Variants in PSAP observed in about 807,000 individuals in gnomAD.
The protein encoded by PSAP is prosaposin.
In PSAP, 25 loss-of-function variants were observed where a neutral mutation model predicts 66.0. The ratio of observed to expected loss-of-function variants is 0.38; its 90% CI spans 0.28 to 0.53. The LOEUF (loss-of-function observed/expected upper bound fraction) is 0.53, where lower values mean the gene tolerates loss of function less well. Ranked by LOEUF, PSAP falls within the 20% of genes least tolerant of loss-of-function variation. The pLI, the probability that PSAP is intolerant of heterozygous loss-of-function variation, is 0.83. For synonymous variants in PSAP, 273 were observed against 258.9 expected (o/e 1.05, Z -0.52); for missense variants, 649 against 668.8 (o/e 0.97, Z 0.33).
At position 71,820,316 on chromosome 10, in the gene PSAP, T is replaced by G. The variant is rs1369975092; in HGVS notation, c.929A>C (p.Lys310Thr). ...ACACACCTCACAGTAAACATCAGACTTTGCTGGGACCTCGTGCTTCTGTGG... is the reference window on the plus strand; with the variant it reads ...ACACACCTCACAGTAAACATCAGACGTTGCTGGGACCTCGTGCTTCTGTGG... ...EPIKKHEVPA[K>T]SDVYCEVCEF... Residue 310 changes from lysine to threonine, a missense_variant, in exon 9 of 14, where the codon AAG (lysine) becomes ACG (threonine). Physicochemically the swap from Lys to Thr is moderately conservative, Grantham distance 78 (BLOSUM62 -1). Transcript: ENST00000394936. 6.2e-7 allele frequency: 1 copy of G among 1,614,022 alleles called. No homozygotes were observed. The highest frequency in any genetic ancestry group is 8.5e-7 in the Non-Finnish European group (1 of 1,179,942).
At chr10:71,848,226 G>T (rs968747770) in intron 1 of PSAP, among the ~76,000 whole-genome samples, 3 of 152,378 alleles carry the variant, frequency 2.0e-5, no homozygotes, top group Admixed American at 2.0e-4. Context: ...GCCTCTGGAT[G>T]CTACTGCACT....
At chr10:71,836,570 G>A (rs1291995514) in intron 1 of PSAP, among the ~76,000 whole-genome samples, 1 of 152,156 alleles carries the variant, frequency 6.6e-6, no homozygotes, top group Non-Finnish European at 1.5e-5. Context: ...TACCAAATGA[G>A]TCTCTAGGCA....
Position 71,819,866 on chromosome 10 carries a change from G to C in PSAP, c.1040C>G (p.Ser347Trp), listed in dbSNP as rs768846459. ...TTCCGACAGGGACTTCGGCAGCTTC[G>C]AGCACATTTTGTCAAAAGCGTCGAG... ...EILDAFDKMCSKLPKSLSEEC... is the reference protein window; with the variant it reads ...EILDAFDKMCWKLPKSLSEEC... Residue 347 changes from serine to tryptophan, a missense_variant, in exon 10 of 14, where the codon TCG becomes TGG. Ser to Trp is a radical substitution (Grantham distance 177, BLOSUM62 -3). Transcript: ENST00000394936. 5.6e-6 allele frequency: 9 copies of C among 1,614,110 alleles called. No homozygotes were observed. Among genetic ancestry groups the C allele is most frequent in the Non-Finnish European group, 7.6e-6 (9 of 1,180,026 alleles).
At chr10:71,832,332 A>G (rs1842536682) in intron 2 of PSAP, among the ~76,000 whole-genome samples, 1 of 152,122 alleles carries the variant, frequency 6.6e-6, no homozygotes, top group African/African-American at 2.4e-5. Flanking sequence ...TGAACCGTTC[A>G]CCTGCGCATC....
In PSAP at chr10:71,818,626, G is replaced by C; in HGVS notation, c.1530C>G (p.Ala510=). Residue 510 remains alanine (A), a synonymous_variant, in exon 13 of 14, where the codon GCC becomes GCG. Transcript: ENST00000394936. ...CTGCTGAGCTACTCACATTGCACTG[G>C]GCTGCTGTCTCTGTGTTCTGGCACC... The part of the protein sequence containing the change: ...SYWCQNTETA[A]QCNAVEHCKR... 2 of 1,613,532 alleles carry C rather than the reference G, an allele frequency of 1.2e-6. No individual in the cohort carries two copies. The highest frequency in any genetic ancestry group is 8.5e-7 in the Non-Finnish European group (1 of 1,179,926).
intron 6 of PSAP, among the ~76,000 whole-genome samples, chr10:71,827,533 C>T (rs1488752962): frequency 9.2e-5 from 14 of 151,974 alleles, no homozygotes; most frequent in Admixed American, 5.2e-4. Flanking sequence ...TTGAGACCAG[C>T]CTGACAAACA....
At chr10:71,846,386 T>C (rs1324134544) in intron 1 of PSAP, among the ~76,000 whole-genome samples, 1 of 142,324 alleles carries the variant, frequency 7.0e-6, no homozygotes, top group Non-Finnish European at 1.5e-5. Context: ...AAAATCTTCA[T>C]CCCAATCACT....
chr10:71,850,916 C>T lies in PSAP; in HGVS notation c.40+266G>A, dbSNP rs377568302. On this transcript the variant is annotated intron_variant, in intron 1 of 13. Transcript: ENST00000394936. ...CTGAGGGAAGGCCTCGGGGCCCCAG[C>T]CGCGCAGGAACCCACTCGAGCCCCG... Among the ~76,000 whole-genome samples, 81 of 152,354 alleles carry T rather than the reference C, an allele frequency of 5.3e-4. No homozygotes were observed. In the South Asian group the frequency reaches 9.1e-3, roughly 17 times the overall value.
At chr10:71,843,536 C>T (rs374719533) in intron 1 of PSAP, among the ~76,000 whole-genome samples, 21 of 152,296 alleles carry the variant, frequency 1.4e-4, no homozygotes, top group Middle Eastern at 3.4e-3. Context: ...TTAGTCATGA[C>T]GTTTCCACTC....
chr10:71,820,254 T>C lies in PSAP; in HGVS notation c.991A>G (p.Asn331Asp). 6.2e-7 allele frequency: 1 copy of C among 1,613,714 alleles called. No homozygotes were observed. Among genetic ancestry groups the C allele is most frequent in the Non-Finnish European group, 8.5e-7 (1 of 1,179,568 alleles). Reference sequence around the variant, plus strand: ...GGACAGCATACCTCAGTCTTGTTGTTGTCAATCAGCTTGGTCACCTCCTTC... The same window carrying C: ...GGACAGCATACCTCAGTCTTGTTGTCGTCAATCAGCTTGGTCACCTCCTTC... ...LVKEVTKLID[N>D]NKTEKEILDA... The change falls in exon 9 of 14, where the codon AAC becomes GAC. Residue 331 changes from asparagine to aspartate, a missense_variant. Physicochemically the swap from Asn to Asp is conservative, Grantham distance 23. Transcript: ENST00000394936.
At chr10:71,850,860 A>G (rs1465028845) in intron 1 of PSAP, among the ~76,000 whole-genome samples, 1 of 151,834 alleles carries the variant, frequency 6.6e-6, no homozygotes, top group Non-Finnish European at 1.5e-5. Context: ...ACCCTACAAG[A>G]CTCACCCACC....
intron 1 of PSAP, among the ~76,000 whole-genome samples, chr10:71,847,701 CAA>C (rs1283195945): frequency 1.3e-5 from 2 of 151,296 alleles, no homozygotes; most frequent in African/African-American, 4.9e-5. Flanking sequence ...AAGGACTTGA[CAA>C]ATCACTGATT....
intron 2 of PSAP, among the ~76,000 whole-genome samples, chr10:71,834,118 G>C (rs994721001): frequency 1.3e-5 from 2 of 152,182 alleles, no homozygotes; most frequent in Admixed American, 1.3e-4. Flanking sequence ...AGGCATGGGG[G>C]ACCTCATCCT....
chr10:71,824,073 T>C (rs1842354581), intron 7 of PSAP, among the ~76,000 whole-genome samples: 1 of 152,210 alleles, frequency 6.6e-6, no homozygotes, highest in Non-Finnish European at 1.5e-5. Flanking sequence ...TCCTGCTATC[T>C]TGCGGACAAG....
In PSAP at chr10:71,828,950, A is replaced by C; in HGVS notation, c.503T>G (p.Val168Gly). Reference protein sequence around the residue: ...KIPELDMTEVVAPFMANIPLL... With the variant: ...KIPELDMTEVGAPFMANIPLL... ...AGGGATGTTGGCCATGAAGGGGGCC[A>C]CCACCTCAGTCATGTCCAGCTCTGG... is the stretch of plus-strand genomic sequence containing the variant. Residue 168 changes from valine (V) to glycine (G), a missense_variant, in exon 5 of 14, where the codon GTG becomes GGG. Transcript: ENST00000394936. The C allele has an allele frequency of 6.2e-7, 1 of 1,614,138 alleles. No individual in the cohort carries two copies. The highest frequency in any genetic ancestry group is 1.1e-5 in the South Asian group (1 of 91,084).
intron 4 of PSAP, among the ~76,000 whole-genome samples, chr10:71,829,952 G>A (rs577859409): frequency 8.2e-4 from 124 of 152,136 alleles, no homozygotes; most frequent in Admixed American, 3.1e-3. Context: ...AGTCAAGATC[G>A]CGCCATTGCA....
chr10:71,846,790 C>G (rs1235622303), intron 1 of PSAP, among the ~76,000 whole-genome samples: 1 of 149,236 alleles, frequency 6.7e-6, no homozygotes, highest in Non-Finnish European at 1.5e-5. Context: ...AATTAGTACT[C>G]TCTTTCATTG....
intron 2 of PSAP, among the ~76,000 whole-genome samples, 180 bp from the exon 3 acceptor site, chr10:71,832,100 A>G (rs1842533068): frequency 6.6e-6 from 1 of 152,054 alleles, no homozygotes; most frequent in Admixed American, 6.5e-5. Flanking sequence ...GCAGGGAGGG[A>G]AGAGGTGTGA....
chr10:71,820,356 G>A (rs768272616), intron 8 of PSAP, 21 bp from the exon 9 acceptor site: 1 of 1,595,410 alleles, frequency 6.3e-7, no homozygotes, highest in African/African-American at 1.3e-5. Flanking sequence ...AGTAGAAGGA[G>A]AGTACTTTCA....
Sources: allele counts gnomAD v4.1 joint callset (sites outside exome capture counted in the v4.1 genomes callset), GRCh38; gene constraint gnomAD v4.1.1; transcripts MANE v1.5; gene names NCBI Gene and HGNC (gene_info 2026-07-23, HGNC 2026-07-21).